SPTLC2: variants seen among roughly 807,000 people sequenced by gnomAD.
SPTLC2 encodes serine palmitoyltransferase 2.
Under a neutral mutation model 62.0 loss-of-function variants are expected in SPTLC2, and 21 were observed. That is an observed-to-expected ratio of 0.34 (90% CI 0.24 to 0.49). The LOEUF (loss-of-function observed/expected upper bound fraction) is 0.49, where lower values mean the gene tolerates loss of function less well. SPTLC2 is among the 20% of genes least tolerant of loss of function. The probability of loss-of-function intolerance (pLI) is 0.99; values close to 1 mark genes in which losing one functional copy is unlikely to be tolerated. For missense variants in SPTLC2, 511 were observed against 713.0 expected (o/e 0.72, Z 3.23); for synonymous variants, 261 against 261.8 (o/e 1.00, Z 0.03).
At chr14:77,548,222 G>C (rs2079539417) in intron 9 of SPTLC2, among the ~76,000 whole-genome samples, 2 of 152,066 alleles carry the variant, frequency 1.3e-5, no homozygotes, top group Admixed American at 1.3e-4. Flanking sequence ...AACTATTCAA[G>C]CAATGTTACA....
At chr14:77,585,802 A>G (rs943121716) in intron 2 of SPTLC2, among the ~76,000 whole-genome samples, 15 of 152,378 alleles carry the variant, frequency 9.8e-5, no homozygotes, top group African/African-American at 2.9e-4. Context: ...AGACCTTCAC[A>G]GATTACTTTT....
At chr14:77,601,707 A>G (rs2079878389) in intron 1 of SPTLC2, among the ~76,000 whole-genome samples, 1 of 152,238 alleles carries the variant, frequency 6.6e-6, no homozygotes, top group African/African-American at 2.4e-5. Context: ...CATCTCACCG[A>G]TTTTAAATCG....
At chr14:77,525,291 CTG>C (rs2079403582) in intron 9 of SPTLC2, among the ~76,000 whole-genome samples, 1 of 151,818 alleles carries the variant, frequency 6.6e-6, no homozygotes, top group Non-Finnish European at 1.5e-5. Context: ...GTGTGAGACT[CTG>C]TCACTTACGA....
chr14:77,549,476 G>C (rs2079545216), intron 9 of SPTLC2, among the ~76,000 whole-genome samples: 1 of 152,162 alleles, frequency 6.6e-6, no homozygotes, highest in Admixed American at 6.5e-5. Flanking sequence ...AAGGTGCTCT[G>C]GTCAACAGCC....
At chr14:77,561,791 T>C (rs1439018273) in intron 6 of SPTLC2, among the ~76,000 whole-genome samples, 1 of 152,234 alleles carries the variant, frequency 6.6e-6, no homozygotes, top group African/African-American at 2.4e-5. Context: ...TTCCAAACTT[T>C]TGTCTGTGCC....
intron 2 of SPTLC2, among the ~76,000 whole-genome samples, chr14:77,588,392 C>CA (rs2140048718): frequency 6.6e-6 from 1 of 152,150 alleles, no homozygotes; most frequent in South Asian, 2.1e-4. Flanking sequence ...AGTCATCACA[C>CA]AGTTAAAATT....
rs911254966 is a variant in SPTLC2 at position 77,506,545 on chromosome 14, G to A, written c.*5739C>T. The A allele has an allele frequency of 3.3e-5, 5 of 152,206 alleles. No homozygotes were observed. The highest frequency in any genetic ancestry group is 5.9e-5 in the Non-Finnish European group (4 of 68,058). The allele number at this position is 152,206 out of a possible 1,614,324, so 9.4% of individuals were successfully genotyped here. On this transcript the variant is annotated 3_prime_UTR_variant, in exon 12 of 12. Coordinates refer to ENST00000216484, the MANE Select transcript of SPTLC2 (RefSeq NM_004863.4). ...CCAGTGTCCTGTGAAGAACCAGCAA[G>A]GATGCTTTTTATAATTCCAACCATT...
chr14:77,552,965 TA>T (rs143806041), intron 8 of SPTLC2, among the ~76,000 whole-genome samples: 3,291 of 152,224 alleles, frequency 0.022, 99 homozygotes, highest in African/African-American at 0.075. Context: ...TACCCCTAAA[TA>T]ACAGTTCTCT....
chr14:77,572,552 G>A (rs1331205498), intron 4 of SPTLC2, among the ~76,000 whole-genome samples: 1 of 152,148 alleles, frequency 6.6e-6, no homozygotes, highest in Non-Finnish European at 1.5e-5. Flanking sequence ...CCTAAAAGTA[G>A]GGTCAACCTG....
At chr14:77,513,016 CTTTTTTTTTTTTTT>C (rs1190713237) in intron 11 of SPTLC2, among the ~76,000 whole-genome samples, 2 of 62,820 alleles carry the variant, frequency 3.2e-5, no homozygotes, top group Admixed American at 3.2e-4. Flanking sequence ...AACCCAGCAA[CTTTTTTTTTTTTTT>C]TTTTTTTTTT....
At chr14:77,612,519 A>C (rs907214938) in intron 1 of SPTLC2, among the ~76,000 whole-genome samples, 6 of 152,384 alleles carry the variant, frequency 3.9e-5, no homozygotes, top group Middle Eastern at 6.8e-3. Context: ...GTTGTAAATT[A>C]CATTATTTCT....
intron 2 of SPTLC2, among the ~76,000 whole-genome samples, chr14:77,596,909 T>C (rs1327323461): frequency 6.6e-6 from 1 of 152,232 alleles, no homozygotes; most frequent in Non-Finnish European, 1.5e-5. Context: ...TTGGGAAACG[T>C]TGTTTAACTT....
chr14:77,542,110 T>C (rs922920297), intron 9 of SPTLC2, among the ~76,000 whole-genome samples: 1 of 147,388 alleles, frequency 6.8e-6, no homozygotes, highest in African/African-American at 2.5e-5. Context: ...TATCTGAAAG[T>C]ACCAAGTGAA....
chr14:77,563,343 C>T (rs2079625180), intron 5 of SPTLC2, among the ~76,000 whole-genome samples: 1 of 152,200 alleles, frequency 6.6e-6, no homozygotes, highest in Admixed American at 6.5e-5. Context: ...TTATCCAAAT[C>T]CATCCATGCT....
At chr14:77,564,978 G>A (rs551032527) in intron 5 of SPTLC2, among the ~76,000 whole-genome samples, 4 of 152,042 alleles carry the variant, frequency 2.6e-5, no homozygotes, top group Admixed American at 2.0e-4. Context: ...GGTGGCTCAC[G>A]CCTGTAATCC....
In SPTLC2 at chr14:77,537,484, C is replaced by T. The variant is rs1450372874; in HGVS notation, c.1303+14612G>A. ...TATATTTTTTTCCCTAGTAACTCCCCCAAGAACACTGAGCAGATAAGCCAA... is the reference window on the plus strand; with the variant it reads ...TATATTTTTTTCCCTAGTAACTCCCTCAAGAACACTGAGCAGATAAGCCAA... On this transcript the variant is annotated intron_variant, in intron 9 of 11. Coordinates refer to ENST00000216484, the MANE Select transcript of SPTLC2 (RefSeq NM_004863.4). Among the ~76,000 whole-genome samples the T allele has an allele frequency of 4.6e-5, 7 of 152,162 alleles. No individual in the cohort carries two copies. In the South Asian group the frequency reaches 1.2e-3, roughly 27 times the overall value.
intron 9 of SPTLC2, among the ~76,000 whole-genome samples, chr14:77,550,352 G>A (rs1227539665): frequency 6.6e-6 from 1 of 152,084 alleles, no homozygotes; most frequent in Non-Finnish European, 1.5e-5. Flanking sequence ...AGGCAGGCAG[G>A]TCACCTGAGG....
chr14:77,609,075 T>C (rs2079921129), intron 1 of SPTLC2, among the ~76,000 whole-genome samples: 1 of 151,812 alleles, frequency 6.6e-6, no homozygotes, highest in Non-Finnish European at 1.5e-5. Context: ...GATGGGAAAG[T>C]TCATGGTGGG....
intron 5 of SPTLC2, among the ~76,000 whole-genome samples, chr14:77,566,304 T>C (rs1284943942): frequency 2.0e-5 from 3 of 152,212 alleles, no homozygotes; most frequent in African/African-American, 7.2e-5. Flanking sequence ...TACTAGCAGT[T>C]AACATCTAAG....
Sources: gnomAD v4.1 joint callset for allele counts (sites outside exome capture counted in the v4.1 genomes callset) on GRCh38, gnomAD v4.1.1 for gene constraint, MANE v1.5 for transcripts, NCBI Gene and HGNC (gene_info 2026-07-23, HGNC 2026-07-21) for gene names.